Variants in BPNT1 observed in about 807,000 individuals in gnomAD.
The protein encoded by BPNT1 is 3'(2'),5'-bisphosphate nucleotidase 1.
Under a neutral mutation model 36.9 loss-of-function variants are expected in BPNT1, and 28 were observed. That is an observed-to-expected ratio of 0.76 (90% CI 0.56 to 1.04). BPNT1 has a LOEUF of 1.04. Ranked by LOEUF, BPNT1 falls within the 50% of genes least tolerant of loss-of-function variation. The pLI is 0.00. For missense variants in BPNT1, 313 were observed against 372.9 expected (o/e 0.84, Z 1.32); for synonymous variants, 119 against 130.9 (o/e 0.91, Z 0.62).
chr1:220,075,618 GAAA>G (rs988851173), intron 2 of BPNT1, among the ~76,000 whole-genome samples: 1 of 151,716 alleles, frequency 6.6e-6, no homozygotes, highest in African/African-American at 2.4e-5. Flanking sequence ...CTGCGGTAGA[GAAA>G]AAAAAGACAC....
At chr1:220,062,687 A>T (rs1320729379) in intron 7 of BPNT1, 70 bp downstream of exon 7, 4 of 1,540,400 alleles carry the variant, frequency 2.6e-6, no homozygotes, top group African/African-American at 1.4e-5. Context: ...CTCTTATTTC[A>T]TGTTTTTAGA....
chr1:220,068,558 C>T (rs771711757), intron 5 of BPNT1, among the ~76,000 whole-genome samples: 1 of 151,920 alleles, frequency 6.6e-6, no homozygotes, highest in South Asian at 2.1e-4. Context: ...CACCTGTAAT[C>T]CCAGCACTTT....
chr1:220,071,161 C>T (rs557601521), intron 4 of BPNT1, among the ~76,000 whole-genome samples: 1 of 151,806 alleles, frequency 6.6e-6, no homozygotes, highest in Non-Finnish European at 1.5e-5. Flanking sequence ...TGCCCAGCCC[C>T]ACCATGTCTC....
chr1:220,072,435 C>T (rs937084002), intron 4 of BPNT1, among the ~76,000 whole-genome samples: 2 of 151,948 alleles, frequency 1.3e-5, no homozygotes, highest in African/African-American at 4.8e-5. Flanking sequence ...CCATCTCAAC[C>T]TCCCAAGTAG....
At chr1:220,082,275 G>C (rs1655252444) in intron 1 of BPNT1, among the ~76,000 whole-genome samples, 1 of 150,982 alleles carries the variant, frequency 6.6e-6, no homozygotes, top group African/African-American at 2.4e-5. Context: ...CTGCCTCCTG[G>C]GTTCAAGCAA....
Position 220,057,696 on chromosome 1 carries a change from C to G in BPNT1, c.*1148G>C. On this transcript the variant is annotated 3_prime_UTR_variant, in exon 9 of 9. Transcript: ENST00000322067. ...GTCGAGAATGTATAATTTTCAAACA[C>G]TTTTTTAAAAAGCTGGTGAATAACA... 2.2e-6 allele frequency: 1 copy of G among 457,728 alleles called. No individual in the cohort carries two copies. The highest frequency in any genetic ancestry group is 3.9e-6 in the Non-Finnish European group (1 of 256,524). The allele number at this position is 457,728 out of a possible 1,614,324, so 28.4% of individuals were successfully genotyped here. A position where few individuals can be genotyped will look rare whatever the true frequency, so the allele number is the denominator to read the frequency against.
intron 2 of BPNT1, 141 bp downstream of exon 2, chr1:220,079,586 T>C: frequency 9.6e-7 from 1 of 1,039,946 alleles, no homozygotes; most frequent in Non-Finnish European, 1.4e-6. Context: ...TGGAACCCTT[T>C]AGAACCAAGC....
At chr1:220,088,398 G>A (rs986868635) in intron 1 of BPNT1, among the ~76,000 whole-genome samples, 8 of 148,324 alleles carry the variant, frequency 5.4e-5, no homozygotes, top group Non-Finnish European at 1.0e-4. Context: ...CAGGAAAATT[G>A]CTTGAACATA....
intron 2 of BPNT1, among the ~76,000 whole-genome samples, chr1:220,074,942 ACCT>A (rs1355227332): frequency 2.0e-5 from 3 of 151,970 alleles, no homozygotes; most frequent in Non-Finnish European, 4.4e-5. Flanking sequence ...GACAACCACA[ACCT>A]CCTTTGTTAG....
intron 1 of BPNT1, among the ~76,000 whole-genome samples, chr1:220,083,802 G>A (rs1558104098): frequency 6.6e-6 from 1 of 152,112 alleles, no homozygotes; most frequent in Non-Finnish European, 1.5e-5. Flanking sequence ...TTAAAACTGA[G>A]TTTTCATCTA....
At chr1:220,086,302 G>A (rs936983405) in intron 1 of BPNT1, among the ~76,000 whole-genome samples, 2 of 152,028 alleles carry the variant, frequency 1.3e-5, no homozygotes, top group East Asian at 1.9e-4. Context: ...ATGTAGTCTC[G>A]CTCTGTCGCC....
intron 1 of BPNT1, among the ~76,000 whole-genome samples, chr1:220,081,456 T>C (rs1370713454): frequency 6.6e-6 from 1 of 151,726 alleles, no homozygotes; most frequent in Admixed American, 6.6e-5. Context: ...GGCAGGAGAA[T>C]CGCTTGAACC....
intron 5 of BPNT1, among the ~76,000 whole-genome samples, chr1:220,067,943 A>G (rs185412402): frequency 6.6e-6 from 1 of 152,286 alleles, no homozygotes; most frequent in East Asian, 1.9e-4. Flanking sequence ...TATACACATT[A>G]AAGTTGTCTA....
At chr1:220,076,728 A>ATAG (rs1376365148) in intron 2 of BPNT1, among the ~76,000 whole-genome samples, 1 of 149,818 alleles carries the variant, frequency 6.7e-6, no homozygotes, top group Non-Finnish European at 1.5e-5. Flanking sequence ...AATAATAATA[A>ATAG]TAATAGTAGT....
rs562144719 is a variant in BPNT1, at chr1:220,069,339, C to A, written c.382+45G>T. 5.7e-6 allele frequency: 8 copies of A among 1,411,574 alleles called. No individual in the cohort carries two copies. In the South Asian group the frequency reaches 1.0e-4, roughly 18 times the overall value. 87.4% of individuals were successfully genotyped at this position (1,411,574 alleles called of 1,614,324 possible). On this transcript the variant is annotated intron_variant, in intron 5 of 8. Coordinates refer to ENST00000322067, the MANE Select transcript of BPNT1 (RefSeq NM_006085.6). Reference sequence around the variant, plus strand: ...CAAATATTTACAACTAACATCATATCCTTGTCCCACTACTGTCAAATATGA... The same window carrying A: ...CAAATATTTACAACTAACATCATATACTTGTCCCACTACTGTCAAATATGA...
At chr1:220,087,739 CA>C (rs1655874596) in intron 1 of BPNT1, among the ~76,000 whole-genome samples, 1 of 151,780 alleles carries the variant, frequency 6.6e-6, no homozygotes, top group Non-Finnish European at 1.5e-5. Flanking sequence ...GAAAAATGAG[CA>C]AATAAACAAG....
At chr1:220,082,180 T>TATA (rs1553263548) in intron 1 of BPNT1, among the ~76,000 whole-genome samples, 1 of 144,322 alleles carries the variant, frequency 6.9e-6, no homozygotes, top group Non-Finnish European at 1.5e-5. Flanking sequence ...TTTATATTTT[T>TATA]TATATATATA....
chr1:220,086,744 T>A (rs1655763795), intron 1 of BPNT1, among the ~76,000 whole-genome samples: 1 of 151,642 alleles, frequency 6.6e-6, no homozygotes, highest in Non-Finnish European at 1.5e-5. Context: ...CCAGGCTAAT[T>A]TTTGTACTGT....
intron 6 of BPNT1, among the ~76,000 whole-genome samples, chr1:220,064,527 A>G (rs1663354610): frequency 1.3e-5 from 2 of 152,150 alleles, no homozygotes; most frequent in African/African-American, 2.4e-5. Flanking sequence ...CTGGAGCTAC[A>G]ATAGCCTTTC....
Sources: allele counts gnomAD v4.1 joint callset (sites outside exome capture counted in the v4.1 genomes callset), GRCh38; gene constraint gnomAD v4.1.1; transcripts MANE v1.5; gene names NCBI Gene and HGNC (gene_info 2026-07-23, HGNC 2026-07-21).